ITPR2: variants seen among roughly 807,000 people sequenced by gnomAD.
ITPR2 encodes inositol 1,4,5-trisphosphate receptor type 2.
Under a neutral mutation model 317.1 loss-of-function variants are expected in ITPR2, and 207 were observed. That is an observed-to-expected ratio of 0.65 (90% CI 0.58 to 0.73). The LOEUF is 0.73. Ranked by LOEUF, ITPR2 falls within the 30% of genes least tolerant of loss-of-function variation. ITPR2 has a pLI of 0.00. For synonymous variants in ITPR2, 1,156 were observed against 1,149.1 expected (o/e 1.01, Z -0.12); for missense variants, 2,613 against 3,284.0 (o/e 0.80, Z 4.99).
intron 13 of ITPR2, 84 bp from the exon 14 acceptor site, chr12:26,666,135 G>T (rs1431999582): frequency 2.4e-6 from 1 of 411,772 alleles, no homozygotes; most frequent in Non-Finnish European, 4.1e-6. Context: ...TAGGTAGGTA[G>T]AGATAGATAG....
intron 45 of ITPR2, among the ~76,000 whole-genome samples, chr12:26,457,789 GC>G (rs2136775685): frequency 6.6e-6 from 1 of 152,306 alleles, no homozygotes; most frequent in Admixed American, 6.5e-5. Flanking sequence ...ACAGCCACAG[GC>G]AAATCACTTA....
At chr12:26,585,777 A>C (rs1945511135) in intron 32 of ITPR2, among the ~76,000 whole-genome samples, 1 of 152,212 alleles carries the variant, frequency 6.6e-6, no homozygotes, top group Non-Finnish European at 1.5e-5. Context: ...TTAGAAAAGT[A>C]TGAAGGGTTT....
intron 37 of ITPR2, among the ~76,000 whole-genome samples, chr12:26,545,888 G>GT (rs1196505803): frequency 1.3e-5 from 2 of 152,144 alleles, no homozygotes; most frequent in Non-Finnish European, 2.9e-5. Flanking sequence ...CAAACTGGTT[G>GT]TTTGAATCCT....
chr12:26,452,877 G>A (rs1941773998), intron 45 of ITPR2, among the ~76,000 whole-genome samples: 1 of 151,840 alleles, frequency 6.6e-6, no homozygotes, highest in Non-Finnish European at 1.5e-5. Flanking sequence ...ACCCAGTCTC[G>A]GGTACTCTCT....
intron 2 of ITPR2, among the ~76,000 whole-genome samples, chr12:26,728,823 G>C (rs550978366): frequency 3.3e-5 from 5 of 152,290 alleles, no homozygotes; most frequent in African/African-American, 9.6e-5. Context: ...CATTATTATT[G>C]ATATTGCTTC....
chr12:26,729,103 C>T (rs1377524025), intron 2 of ITPR2, among the ~76,000 whole-genome samples: 2 of 151,878 alleles, frequency 1.3e-5, no homozygotes, highest in Non-Finnish European at 2.9e-5. Context: ...GGAACTTAAA[C>T]AAATTTACAA....
At chr12:26,737,488 C>T (rs1401979058) in intron 2 of ITPR2, among the ~76,000 whole-genome samples, 1 of 152,080 alleles carries the variant, frequency 6.6e-6, no homozygotes, top group African/African-American at 2.4e-5. Flanking sequence ...CTCCTGACCT[C>T]GTGATCTGCC....
intron 54 of ITPR2, among the ~76,000 whole-genome samples, chr12:26,391,413 C>A (rs1465684584): frequency 6.6e-6 from 1 of 152,038 alleles, no homozygotes; most frequent in Admixed American, 6.6e-5. Context: ...TAGGGAATGT[C>A]AGTTACTCTG....
rs1398965452 is a variant in ITPR2, at chr12:26,336,735, T to G, written c.*2662A>C. 1.3e-5 allele frequency: 2 copies of G among 152,276 alleles called. No homozygotes were observed. The highest frequency in any genetic ancestry group is 1.3e-4 in the Admixed American group (2 of 15,292). 9.4% of individuals were successfully genotyped at this position (152,276 alleles called of 1,614,324 possible). On this transcript the variant is annotated 3_prime_UTR_variant, in exon 57 of 57. Transcript: ENST00000381340. ...ATGAATTTGAAATAACTAAATATTT[T>G]TTCAAAATCTCCCTTAACATCAAAG...
intron 44 of ITPR2, 43 bp from the exon 45 acceptor site, chr12:26,475,461 T>C (rs780338989): frequency 6.3e-7 from 1 of 1,592,662 alleles, no homozygotes; most frequent in South Asian, 1.1e-5. Context: ...AGAAACAACA[T>C]CTGCTTTATA....
At chr12:26,451,365 TCACACACACACACA>T (rs57642539) in intron 45 of ITPR2, among the ~76,000 whole-genome samples, 4 of 136,408 alleles carry the variant, frequency 2.9e-5, no homozygotes, top group East Asian at 2.1e-4. Context: ...TTCTCTCATA[TCACACACACACACA>T]CACACACACA....
intron 34 of ITPR2, among the ~76,000 whole-genome samples, chr12:26,565,843 A>AGAGGAGAGGAGAGGGGAGGG (rs1944946485): frequency 1.3e-5 from 1 of 78,418 alleles, no homozygotes; most frequent in Non-Finnish European, 2.8e-5. Context: ...AGGAGAGTAG[A>AGAGGAGAGGAGAGGGGAGGG]GAGGAGAGGA....
At chr12:26,643,975 G>T (rs1011989096) in intron 21 of ITPR2, among the ~76,000 whole-genome samples, 6 of 152,106 alleles carry the variant, frequency 3.9e-5, no homozygotes, top group African/African-American at 1.4e-4. Context: ...GTTTACTAGG[G>T]ATCAGGCATC....
rs374129278 is a variant in ITPR2, at chr12:26,716,248, A to T, written c.526-6T>A. On this transcript the variant is annotated splice_polypyrimidine_tract_variant and splice_region_variant and intron_variant, in intron 5 of 56. Coordinates refer to ENST00000381340, the MANE Select transcript of ITPR2 (RefSeq NM_002223.4). ...ACTTTATCTCCTACAACAATCTAGG[A>T]AGCAGAAATAAATCACAATTGAGAC... The T allele has an allele frequency of 6.3e-7, 1 of 1,586,508 alleles. No homozygotes were observed. Among genetic ancestry groups the T allele is most frequent in the African/African-American group, 1.3e-5 (1 of 74,340 alleles).
chr12:26,821,576 C>G (rs911091019), intron 1 of ITPR2, among the ~76,000 whole-genome samples: 1 of 152,218 alleles, frequency 6.6e-6, no homozygotes, highest in African/African-American at 2.4e-5. Flanking sequence ...AGTATTCTCA[C>G]AGTAAATTTC....
At chr12:26,444,026 T>C (rs1288670885) in intron 45 of ITPR2, among the ~76,000 whole-genome samples, 2 of 152,180 alleles carry the variant, frequency 1.3e-5, no homozygotes, top group Non-Finnish European at 2.9e-5. Context: ...GTTTTTCCTA[T>C]ACACACATAA....
At chr12:26,641,304 C>T (rs1946979801) in intron 21 of ITPR2, among the ~76,000 whole-genome samples, 1 of 151,714 alleles carries the variant, frequency 6.6e-6, no homozygotes, top group African/African-American at 2.4e-5. Flanking sequence ...AAAACTCTTT[C>T]GTAGATATGT....
intron 43 of ITPR2, among the ~76,000 whole-genome samples, chr12:26,478,674 A>G (rs1037968394): frequency 6.6e-6 from 1 of 152,206 alleles, no homozygotes; most frequent in African/African-American, 2.4e-5. Context: ...AAGAGTCTAT[A>G]TATACCACAA....
intron 1 of ITPR2, among the ~76,000 whole-genome samples, chr12:26,796,062 A>G (rs936364603): frequency 2.6e-5 from 4 of 151,936 alleles, no homozygotes; most frequent in East Asian, 1.9e-4. Flanking sequence ...TGTTGAAGCC[A>G]TATACAGTGG....
Sources: gnomAD v4.1 joint callset for allele counts (sites outside exome capture counted in the v4.1 genomes callset) on GRCh38, gnomAD v4.1.1 for gene constraint, MANE v1.5 for transcripts, NCBI Gene and HGNC (gene_info 2026-07-23, HGNC 2026-07-21) for gene names.